The following SDK1 variants were observed in gnomAD, a reference collection of about 807,000 sequenced individuals.
SDK1 encodes the protein protein sidekick-1.
Under a neutral mutation model 245.5 loss-of-function variants are expected in SDK1, and 157 were observed. That is an observed-to-expected ratio of 0.64 (90% CI 0.56 to 0.73). The LOEUF (loss-of-function observed/expected upper bound fraction) is 0.73. Among genes scored for constraint, SDK1 ranks in the 30% least tolerant of loss-of-function variants. The pLI is 0.00. For missense variants in SDK1, 3,583 were observed against 3,002.3 expected, an observed-to-expected ratio of 1.19 and a Z score of -4.52; for synonymous variants, 1,647 against 1,278.5, an observed-to-expected ratio of 1.29 and a Z score of -6.15.
At chr7:3,854,554 G>A (rs938008659) in intron 5 of SDK1, among the ~76,000 whole-genome samples, 9 of 152,278 alleles carry the variant, frequency 5.9e-5, no homozygotes, top group South Asian at 2.1e-4. Context: ...ATGCCAACAC[G>A]AAGATCTTTC....
At chr7:4,069,117 G>T (rs1000742155) in intron 20 of SDK1, among the ~76,000 whole-genome samples, 8 of 152,170 alleles carry the variant, frequency 5.3e-5, no homozygotes, top group African/African-American at 1.7e-4. Flanking sequence ...AGCAACATAG[G>T]CTCTAGCCTC....
At chr7:4,210,408 C>T (rs666121) in intron 38 of SDK1, among the ~76,000 whole-genome samples, 18,998 of 152,194 alleles carry the variant, frequency 0.12, 2,542 homozygotes, top group East Asian at 0.64. Flanking sequence ...GAGACCAGAA[C>T]GGCACTCTCC....
At chr7:3,665,923 C>G (rs1288603934) in intron 4 of SDK1, among the ~76,000 whole-genome samples, 1 of 152,092 alleles carries the variant, frequency 6.6e-6, no homozygotes, top group African/African-American at 2.4e-5. Context: ...GGCAGGGAAA[C>G]TCAGAACACC....
chr7:4,260,291 A>C (rs1787901781), intron 44 of SDK1, among the ~76,000 whole-genome samples: 1 of 133,924 alleles, frequency 7.5e-6, no homozygotes, highest in South Asian at 2.7e-4. Flanking sequence ...TGTGTGTGGG[A>C]AGATGTGTTC....
intron 1 of SDK1, among the ~76,000 whole-genome samples, chr7:3,545,628 C>T (rs1215773121): frequency 6.6e-6 from 1 of 152,210 alleles, no homozygotes; most frequent in Non-Finnish European, 1.5e-5. Context: ...AATGAAACCA[C>T]CTGGCAACCC....
chr7:4,063,605 A>AAAAAAAAAAAAAAAC (rs1316706124), intron 19 of SDK1, among the ~76,000 whole-genome samples: 8 of 151,474 alleles, frequency 5.3e-5, no homozygotes, highest in African/African-American at 1.7e-4. Flanking sequence ...AGCAAAAAAA[A>AAAAAAAAAAAAAAAC]AAAACAAAAA....
chr7:3,851,493 A>G (rs1202186449), intron 5 of SDK1, among the ~76,000 whole-genome samples: 2 of 152,202 alleles, frequency 1.3e-5, no homozygotes, highest in African/African-American at 2.4e-5. Context: ...GCTTTGTCCA[A>G]GTTTTCCCTT....
intron 1 of SDK1, among the ~76,000 whole-genome samples, chr7:3,468,695 CTCAGTCTGTTAGCA>C (rs1422669264): frequency 5.9e-5 from 9 of 152,270 alleles, no homozygotes; most frequent in Admixed American, 5.9e-4. Flanking sequence ...GGTTTCCGAA[CTCAGTCTGTTAGCA>C]TTAGATCGTA....
intron 1 of SDK1, among the ~76,000 whole-genome samples, chr7:3,509,573 G>T (rs1174331217): frequency 6.6e-6 from 1 of 152,152 alleles, no homozygotes; most frequent in Non-Finnish European, 1.5e-5. Context: ...CCCAAAGTGA[G>T]ACCCAAATAG....
intron 1 of SDK1, among the ~76,000 whole-genome samples, chr7:3,346,807 G>GTGTGTATATATA (rs796252256): frequency 4.7e-5 from 2 of 42,252 alleles, no homozygotes; most frequent in African/African-American, 2.1e-4. Flanking sequence ...GTGTGTGTGT[G>GTGTGTATATATA]TATATATATA....
At chr7:3,716,635 C>T (rs918557703) in intron 4 of SDK1, among the ~76,000 whole-genome samples, 9 of 151,884 alleles carry the variant, frequency 5.9e-5, no homozygotes, top group African/African-American at 2.2e-4. Flanking sequence ...GTGCACACCC[C>T]TGTAGTCCCA....
intron 40 of SDK1, among the ~76,000 whole-genome samples, chr7:4,232,364 C>CTTT (rs34525808): frequency 8.9e-6 from 1 of 112,558 alleles, no homozygotes; most frequent in African/African-American, 3.4e-5. Context: ...TTTTTTCTTT[C>CTTT]TTTTTTTTTT....
intron 1 of SDK1, among the ~76,000 whole-genome samples, chr7:3,322,420 A>C (rs1779840300): frequency 6.6e-6 from 1 of 152,082 alleles, no homozygotes; most frequent in Non-Finnish European, 1.5e-5. Context: ...CCTTTTGGCT[A>C]TTGTGAATAG....
chr7:3,351,807 C>A (rs927973208), intron 1 of SDK1, among the ~76,000 whole-genome samples: 1 of 152,082 alleles, frequency 6.6e-6, no homozygotes, highest in Admixed American at 6.5e-5. Flanking sequence ...AGTTAACATA[C>A]CTTTCTGAAT....
chr7:3,993,611 G>A lies in SDK1; in HGVS notation c.2131+6289G>A, dbSNP rs528496053. Among the ~76,000 whole-genome samples, 3 of 152,176 alleles carry A rather than the reference G, an allele frequency of 2.0e-5. No homozygotes were observed. The South Asian group carries it at 6.2e-4, about 32-fold the overall frequency. Reference sequence around the variant, plus strand: ...AATAAAAATTTAGAAATCCCTTAAAGCACAAAGAATAAAAACGATCACTAC... The same window carrying A: ...AATAAAAATTTAGAAATCCCTTAAAACACAAAGAATAAAAACGATCACTAC... On this transcript the variant is annotated intron_variant, in intron 14 of 44. Coordinates refer to ENST00000404826, the MANE Select transcript of SDK1 (RefSeq NM_152744.4).
At chr7:3,653,854 C>G (rs960463794) in intron 4 of SDK1, among the ~76,000 whole-genome samples, 2 of 152,176 alleles carry the variant, frequency 1.3e-5, no homozygotes, top group African/African-American at 4.8e-5. Flanking sequence ...CTCTGTTGCA[C>G]TTCAGCTTCA....
At chr7:4,234,090 G>T (rs1785988412) in intron 41 of SDK1, among the ~76,000 whole-genome samples, 1 of 152,190 alleles carries the variant, frequency 6.6e-6, no homozygotes, top group Non-Finnish European at 1.5e-5. Context: ...CAGCTATGGG[G>T]GAGCCCACGA....
intron 1 of SDK1, among the ~76,000 whole-genome samples, chr7:3,455,261 T>C (rs775594612): frequency 9.9e-5 from 15 of 152,124 alleles, no homozygotes; most frequent in Admixed American, 2.0e-4. Context: ...CTTACGAGGG[T>C]TTTCACAAAG....
chr7:3,804,411 T>C (rs1014664535), intron 4 of SDK1, among the ~76,000 whole-genome samples: 2 of 152,208 alleles, frequency 1.3e-5, no homozygotes, highest in African/African-American at 4.8e-5. Context: ...GTTACGGGTC[T>C]CTTTCTGAGT....
Sources: gnomAD v4.1 joint callset for allele counts (sites outside exome capture counted in the v4.1 genomes callset) on GRCh38, gnomAD v4.1.1 for gene constraint, MANE v1.5 for transcripts, NCBI Gene and HGNC (gene_info 2026-07-23, HGNC 2026-07-21) for gene names.